The following FRAS1 variants were observed in gnomAD, a reference collection of about 807,000 sequenced individuals.
FRAS1 encodes Fraser extracellular matrix complex subunit 1.
Under a neutral mutation model 435.2 loss-of-function variants are expected in FRAS1, and 290 were observed. The observed-to-expected ratio is 0.67, with a 90% CI of 0.61 to 0.73. The LOEUF (loss-of-function observed/expected upper bound fraction) is 0.73. Among genes scored for constraint, FRAS1 ranks in the 30% least tolerant of loss-of-function variants. The pLI, the probability that FRAS1 is intolerant of heterozygous loss-of-function variation, is 0.00. For synonymous variants in FRAS1, 1,800 were observed against 1,851.0 expected (o/e 0.97, Z 0.71); for missense variants, 4,860 against 5,001.5 (o/e 0.97, Z 0.85).
chr4:78,145,559 G>T (rs1038041542), intron 2 of FRAS1, among the ~76,000 whole-genome samples: 1 of 152,060 alleles, frequency 6.6e-6, no homozygotes, highest in African/African-American at 2.4e-5. Context: ...GAACCTAACT[G>T]AGCTATGAGA....
Position 78,407,854 on chromosome 4 carries a change from TC to T in FRAS1, c.4308+15del. 1 of 1,575,034 alleles carries T rather than the reference TC, an allele frequency of 6.3e-7. No homozygotes were observed. Among genetic ancestry groups the T allele is most frequent in the Non-Finnish European group, 8.6e-7 (1 of 1,159,318 alleles). On this transcript the variant is annotated intron_variant, in intron 31 of 73. Transcript: ENST00000512123. ...CTTCCGCTTCGAGGTACCCTCTGCTTCCTGACTTTTCTGAAGTCTGATGAAT... is the reference window on the plus strand; with the variant it reads ...CTTCCGCTTCGAGGTACCCTCTGCTTCTGACTTTTCTGAAGTCTGATGAAT...
chr4:78,479,753 T>C, intron 56 of FRAS1, 35 bp downstream of exon 56: 1 of 1,456,168 alleles, frequency 6.9e-7, no homozygotes, highest in Non-Finnish European at 9.2e-7. Flanking sequence ...CCTTCACCTG[T>C]CTCCTGATTC....
At position 78,389,423 on chromosome 4, in the gene FRAS1, A is replaced by G. The variant is rs78792710; in HGVS notation, c.3975+1722A>G. Among the ~76,000 whole-genome samples, 111 of 151,812 alleles carry G rather than the reference A, an allele frequency of 7.3e-4. No homozygotes were observed. In the East Asian group the frequency reaches 0.017, roughly 23 times the overall value. On this transcript the variant is annotated intron_variant, in intron 29 of 73. Coordinates refer to ENST00000512123, the MANE Select transcript of FRAS1 (RefSeq NM_025074.7). Reference sequence around the variant, plus strand: ...CTCATGAAGGTGAACAGCTGAATCTAATATGATCTGCTAGGTAATTTCTCA... The same window carrying G: ...CTCATGAAGGTGAACAGCTGAATCTGATATGATCTGCTAGGTAATTTCTCA...
chr4:78,483,768 C>CTATA (rs1491536432), intron 58 of FRAS1, among the ~76,000 whole-genome samples: 250 of 6,490 alleles, frequency 0.039, 16 homozygotes, highest in Non-Finnish European at 0.087. Flanking sequence ...AAAAAAAAAA[C>CTATA]TCTCTCTCTC....
intron 2 of FRAS1, among the ~76,000 whole-genome samples, chr4:78,179,307 C>G (rs921798297): frequency 6.6e-6 from 1 of 152,170 alleles, no homozygotes; most frequent in Admixed American, 6.5e-5. Flanking sequence ...GGGGCCTTTT[C>G]TTGACATCTG....
At chr4:78,462,230 G>T (rs951285235) in intron 47 of FRAS1, among the ~76,000 whole-genome samples, 3 of 151,982 alleles carry the variant, frequency 2.0e-5, no homozygotes, top group African/African-American at 7.2e-5. Context: ...CAAAAATTAG[G>T]CAGGGATGGT....
At chr4:78,532,165 C>T (rs763453842) in intron 70 of FRAS1, among the ~76,000 whole-genome samples, 1 of 152,184 alleles carries the variant, frequency 6.6e-6, no homozygotes, top group Admixed American at 6.5e-5. Flanking sequence ...CCCAAGTTAC[C>T]TCTGTGATCT....
intron 29 of FRAS1, among the ~76,000 whole-genome samples, chr4:78,397,287 C>T (rs969120832): frequency 1.3e-5 from 2 of 152,212 alleles, no homozygotes; most frequent in Non-Finnish European, 2.9e-5. Flanking sequence ...GTTCCCCCTT[C>T]AGGGGCAGTC....
rs543557633 is a variant in FRAS1 at position 78,386,009 on chromosome 4, C to CT, written c.3649-1361dup. ...TTACACTCAGAAACTTTGTTTCGTTCTTTTTGTTTGAGCTAATAAAGTTAC... is the reference window on the plus strand; with the variant it reads ...TTACACTCAGAAACTTTGTTTCGTTCTTTTTTGTTTGAGCTAATAAAGTTAC... On this transcript the variant is annotated intron_variant, in intron 28 of 73. Transcript: ENST00000512123. Among the ~76,000 whole-genome samples the CT allele has an allele frequency of 3.4e-3, 509 of 151,860 alleles. 6 individuals carry two copies. The highest frequency in any genetic ancestry group is 4.4e-3 in the Non-Finnish European group (297 of 67,926).
At chr4:78,252,575 G>C (rs757455742) in intron 5 of FRAS1, 24 bp downstream of exon 5, 1 of 1,601,296 alleles carries the variant, frequency 6.2e-7, no homozygotes, top group Non-Finnish European at 8.5e-7. Context: ...TGTAGAAGGG[G>C]ACCCTCTTTG....
chr4:78,176,593 C>A (rs1025350365), intron 2 of FRAS1, among the ~76,000 whole-genome samples: 4 of 152,202 alleles, frequency 2.6e-5, no homozygotes, highest in African/African-American at 9.7e-5. Context: ...GTTTCTGCAA[C>A]CTGTCCTCAT....
chr4:78,309,357 C>A (rs1276565387), intron 15 of FRAS1, among the ~76,000 whole-genome samples: 1 of 152,116 alleles, frequency 6.6e-6, no homozygotes, highest in African/African-American at 2.4e-5. Context: ...ATGAATACAC[C>A]CCCAACTCAG....
At chr4:78,231,199 C>T (rs942929042) in intron 2 of FRAS1, among the ~76,000 whole-genome samples, 5 of 152,052 alleles carry the variant, frequency 3.3e-5, no homozygotes, top group African/African-American at 4.8e-5. Context: ...TCGTGATTCA[C>T]CCTCCTTGGT....
Position 78,439,034 on chromosome 4 carries a change from T to A in FRAS1, c.5499T>A (p.Pro1833=). The change falls in exon 40 of 74, where the codon CCT becomes CCA. Residue 1833 remains proline (P), a synonymous_variant. Coordinates refer to ENST00000512123, the MANE Select transcript of FRAS1 (RefSeq NM_025074.7). ...TIMITPAENP[P]PVIAFADLIT... ...TGATCACTCCTGCTGAAAATCCACC[T>A]CCAGTCATTGCTTTTGCTGACCTTA... is the stretch of plus-strand genomic sequence containing the variant. 1.2e-6 allele frequency: 2 copies of A among 1,613,544 alleles called. No individual in the cohort carries two copies. Among genetic ancestry groups the A allele is most frequent in the Non-Finnish European group, 1.7e-6 (2 of 1,179,726 alleles).
intron 61 of FRAS1, among the ~76,000 whole-genome samples, chr4:78,506,088 C>T (rs989739533): frequency 2.0e-5 from 3 of 152,214 alleles, no homozygotes; most frequent in South Asian, 2.1e-4. Context: ...TATTGCAGAA[C>T]GGCAAATATT....
Position 78,363,685 on chromosome 4 carries a change from A to C in FRAS1, c.2575+20A>C, listed in dbSNP as rs80008695. On this transcript the variant is annotated intron_variant, in intron 21 of 73. Transcript: ENST00000512123. ...GTAAAAGTGAGTAAGTGCTGGACTC[A>C]GGAGCTGGAGCTGCCACCTGAGGTT... The C allele has an allele frequency of 1.7e-3, 2,729 of 1,566,466 alleles. 85 individuals carry two copies. In the Admixed American group the frequency reaches 0.049, roughly 28 times the overall value.
At position 78,482,454 on chromosome 4, in the gene FRAS1, G is replaced by A. The variant is rs544055852; in HGVS notation, c.8671G>A (p.Val2891Ile). ...PVIEGLETFV[V>I]FLSSAQGAEL... ...AATTGAAGGACTGGAGACATTTGTGGTTTTCCTCAGCTCAGCACAAGGAGC... is the reference window on the plus strand; with the variant it reads ...AATTGAAGGACTGGAGACATTTGTGATTTTCCTCAGCTCAGCACAAGGAGC... Residue 2891 changes from valine (V) to isoleucine (I), a missense_variant, in exon 58 of 74, where the codon GTT becomes ATT. Transcript: ENST00000512123. 1.9e-5 allele frequency: 30 copies of A among 1,613,782 alleles called. No individual in the cohort carries two copies. Among genetic ancestry groups the A allele is most frequent in the Non-Finnish European group, 2.3e-5 (27 of 1,179,854 alleles).
chr4:78,430,229 A>G (rs1003345864), intron 36 of FRAS1, 63 bp from the exon 37 acceptor site: 4 of 1,605,734 alleles, frequency 2.5e-6, no homozygotes, highest in African/African-American at 1.3e-5. Context: ...CGGTTTTAAT[A>G]TATAGTCTAT....
intron 2 of FRAS1, among the ~76,000 whole-genome samples, chr4:78,167,907 G>A (rs570527212): frequency 6.6e-6 from 1 of 152,136 alleles, no homozygotes; most frequent in Admixed American, 6.5e-5. Context: ...AAACTAAGGT[G>A]ATATTAGTGT....
Sources: gnomAD v4.1 joint callset for allele counts (sites outside exome capture counted in the v4.1 genomes callset) on GRCh38, gnomAD v4.1.1 for gene constraint, MANE v1.5 for transcripts, NCBI Gene and HGNC (gene_info 2026-07-23, HGNC 2026-07-21) for gene names.